THYN1: variants seen among roughly 807,000 people sequenced by gnomAD.
The protein encoded by THYN1 is thymocyte nuclear protein 1.
A neutral mutation model predicts 30.6 loss-of-function variants in THYN1; 32 were observed. That is an observed-to-expected ratio of 1.05 (90% CI 0.79 to 1.40). The LOEUF (loss-of-function observed/expected upper bound fraction) is 1.40. THYN1 is among the 40% of genes most tolerant of loss of function. The pLI is 0.00. For missense variants in THYN1, 259 were observed against 272.6 expected, an observed-to-expected ratio of 0.95 and a Z score of 0.35; for synonymous variants, 107 against 90.8, an observed-to-expected ratio of 1.18 and a Z score of -1.01.
At chr11:134,250,095 G>C (rs1938980114) in intron 3 of THYN1, among the ~76,000 whole-genome samples, 175 bp from the exon 4 acceptor site, 1 of 152,178 alleles carries the variant, frequency 6.6e-6, no homozygotes. Context: ...ACATTGGCCA[G>C]AACACAGGCC....
intron 1 of THYN1, chr11:134,251,891 T>C (rs1477532266): frequency 1.3e-5 from 2 of 152,372 alleles, no homozygotes; most frequent in Non-Finnish European, 2.9e-5. Flanking sequence ...ACAATCAGAA[T>C]GTGCCTGGAA....
chr11:134,250,035 T>C (rs896338233), intron 3 of THYN1, 115 bp from the exon 4 acceptor site: 1 of 1,116,892 alleles, frequency 9.0e-7, no homozygotes, highest in Non-Finnish European at 1.3e-6. Flanking sequence ...AACTCCTCAA[T>C]TCATTAGAAA....
rs771492807 is a variant in THYN1 at position 134,248,531 on chromosome 11, C to A, written c.632-47G>T. ...AGGAAGGATTAGTTTTTAATGTCCCCTCTTGAACAGGAAAGTTGTGCCAGG... is the reference window on the plus strand; with the variant it reads ...AGGAAGGATTAGTTTTTAATGTCCCATCTTGAACAGGAAAGTTGTGCCAGG... On this transcript the variant is annotated intron_variant, in intron 6 of 6. Transcript: ENST00000341541. The A allele has an allele frequency of 1.9e-6, 3 of 1,607,848 alleles. No homozygotes were observed. In the South Asian group the frequency reaches 3.3e-5, roughly 18 times the overall value.
In THYN1 at chr11:134,248,963, T is replaced by C. The variant is rs193129683; in HGVS notation, c.481-4A>G. On this transcript the variant is annotated splice_polypyrimidine_tract_variant and splice_region_variant and intron_variant, in intron 5 of 6. Transcript: ENST00000341541. ...TCCGAACAAACTGTACATCCACCTA[T>C]GTGACAACAGTGTACATGACAGAAA... 2.5e-5 allele frequency: 40 copies of C among 1,614,216 alleles called. No homozygotes were observed. In the East Asian group the frequency reaches 8.5e-4, roughly 34 times the overall value.
chr11:134,252,972 A>C lies in THYN1; in HGVS notation c.-90T>G. The C allele has an allele frequency of 6.0e-6, 9 of 1,491,048 alleles. No homozygotes were observed. Among genetic ancestry groups the C allele is most frequent in the Non-Finnish European group, 8.0e-6 (9 of 1,123,508 alleles). The allele number at this position is 1,491,048 out of a possible 1,614,324, so 92.4% of individuals were successfully genotyped here. ...CTAATGTCCTCCAAAACCCGCGCAG[A>C]GCGAGATGGAGGCAACGAGAGGCAG... On this transcript the variant is annotated 5_prime_UTR_variant, in exon 1 of 7. Coordinates refer to ENST00000341541, the MANE Select transcript of THYN1 (RefSeq NM_014174.3).
In THYN1 at chr11:134,248,905, T is replaced by C. The variant is rs765074945; in HGVS notation, c.535A>G (p.Lys179Glu). The C allele has an allele frequency of 5.6e-6, 9 of 1,614,098 alleles. No homozygotes were observed. In the East Asian group the frequency reaches 2.0e-4, roughly 36 times the overall value. ...GCTTTGTGAGCTTGATGATAGGATT[T>C]GAGCTCAGCCAGGGGAATGAAACGT... is the stretch of plus-strand genomic sequence containing the variant. ...MKRFIPLAELKSYHQAHKATG... is the reference protein window; with the variant it reads ...MKRFIPLAELESYHQAHKATG... Residue 179 changes from lysine (K) to glutamate (E), a missense_variant, in exon 6 of 7, where the codon AAA (lysine) becomes GAA (glutamate). By Grantham distance (56) the Lys-to-Glu change is moderately conservative. Coordinates refer to ENST00000341541, the MANE Select transcript of THYN1 (RefSeq NM_014174.3).
intron 2 of THYN1, 123 bp downstream of exon 2, chr11:134,251,007 C>T (rs1168131968): frequency 8.6e-7 from 1 of 1,157,018 alleles, no homozygotes; most frequent in Admixed American, 2.8e-5. Context: ...CGATTTTATT[C>T]ATTTTTACCT....
chr11:134,249,392 G>A, intron 4 of THYN1, 130 bp from the exon 5 acceptor site: 3 of 809,276 alleles, frequency 3.7e-6, no homozygotes, highest in Admixed American at 4.3e-5. Flanking sequence ...ACAGCCAATG[G>A]GGGCTCAGAT....
chr11:134,249,893 G>C lies in THYN1; in HGVS notation c.319C>G (p.Leu107Val). 2 of 1,614,078 alleles carry C rather than the reference G, an allele frequency of 1.2e-6. No individual in the cohort carries two copies. Among genetic ancestry groups the C allele is most frequent in the Non-Finnish European group, 1.7e-6 (2 of 1,180,000 alleles). The change falls in exon 4 of 7, where the codon CTG (leucine) becomes GTG (valine). Residue 107 changes from leucine to valine, a missense_variant. Leu to Val is a conservative substitution (Grantham distance 32). Coordinates refer to ENST00000341541, the MANE Select transcript of THYN1 (RefSeq NM_014174.3). ...TGGTAGAAGAAGGCTTCTTCTCCCA[G>C]CTTCATGGCTCTAAGGAAGTTCCGA... ...QARNFLRAMK[L>V]GEEAFFYHSN...
chr11:134,253,302 A>G lies in THYN1; in HGVS notation c.-420T>C, dbSNP rs903900144. ...AAGTAATTTGCTGGCTACAGACCCA[A>G]CACTCTGCAGACTCGACTGCGGTCC... On this transcript the variant is annotated 5_prime_UTR_variant, in exon 1 of 7. Coordinates refer to ENST00000341541, the MANE Select transcript of THYN1 (RefSeq NM_014174.3). 1.9e-5 allele frequency: 27 copies of G among 1,387,740 alleles called. No individual in the cohort carries two copies. The East Asian group carries it at 3.1e-4, about 16-fold the overall frequency. 86.0% of individuals were successfully genotyped at this position (1,387,740 alleles called of 1,614,324 possible).
chr11:134,248,391 G>A lies in THYN1; in HGVS notation c.*47C>T. ...CACACCTTTTGTCTGAAAAAAGCTT[G>A]ACTTCTTTGCAGCAATGTCTCGCCC... is the stretch of plus-strand genomic sequence containing the variant. On this transcript the variant is annotated 3_prime_UTR_variant, in exon 7 of 7. Transcript: ENST00000341541. 6.2e-7 allele frequency: 1 copy of A among 1,612,340 alleles called. No homozygotes were observed. Among genetic ancestry groups the A allele is most frequent in the Non-Finnish European group, 8.5e-7 (1 of 1,178,454 alleles).
intron 4 of THYN1, among the ~76,000 whole-genome samples, 172 bp downstream of exon 4, chr11:134,249,656 G>C (rs1226445619): frequency 6.6e-6 from 1 of 150,706 alleles, no homozygotes; most frequent in Non-Finnish European, 1.5e-5. Flanking sequence ...GGCCTGCTTT[G>C]AGTTATCAGA....
intron 1 of THYN1, 117 bp downstream of exon 1, chr11:134,252,723 G>T: frequency 8.7e-7 from 1 of 1,143,102 alleles, no homozygotes; most frequent in Non-Finnish European, 1.3e-6. Context: ...AAGGATAATG[G>T]AGTAAAAATA....
chr11:134,248,755 A>G, intron 6 of THYN1, 54 bp downstream of exon 6: 1 of 1,602,802 alleles, frequency 6.2e-7, no homozygotes, highest in Non-Finnish European at 8.5e-7. Flanking sequence ...AGTAAGTGGG[A>G]ATTCATGAGG....
chr11:134,253,295 A>G lies in THYN1; in HGVS notation c.-413T>C. The G allele has an allele frequency of 7.3e-7, 1 of 1,373,834 alleles. No homozygotes were observed. The highest frequency in any genetic ancestry group is 1.6e-5 in the South Asian group (1 of 62,396). 85.1% of individuals were successfully genotyped at this position (1,373,834 alleles called of 1,614,324 possible). A position where few individuals can be genotyped will look rare whatever the true frequency, so the allele number is the denominator to read the frequency against. Reference sequence around the variant, plus strand: ...GATGATGAAGTAATTTGCTGGCTACAGACCCAACACTCTGCAGACTCGACT... The same window carrying G: ...GATGATGAAGTAATTTGCTGGCTACGGACCCAACACTCTGCAGACTCGACT... On this transcript the variant is annotated 5_prime_UTR_variant, in exon 1 of 7. Transcript: ENST00000341541.
intron 2 of THYN1, among the ~76,000 whole-genome samples, chr11:134,250,581 ATAAAG>A (rs1414049601): frequency 2.6e-5 from 4 of 152,164 alleles, no homozygotes; most frequent in East Asian, 1.9e-4. Flanking sequence ...AATCTAGGTG[ATAAAG>A]TAATCTGCTA....
chr11:134,250,990 A>G, intron 2 of THYN1, 140 bp downstream of exon 2: 2 of 1,043,684 alleles, frequency 1.9e-6, no homozygotes, highest in Non-Finnish European at 2.7e-6. Context: ...ATGATAATAA[A>G]CCCTGCCGAT....
chr11:134,252,358 TC>T (rs2136064560), intron 1 of THYN1, among the ~76,000 whole-genome samples: 1 of 152,272 alleles, frequency 6.6e-6, no homozygotes, highest in South Asian at 2.1e-4. Flanking sequence ...ATGTTCCTCC[TC>T]CTCCATCCAC....
At position 134,253,269 on chromosome 11, in the gene THYN1, A is replaced by C; in HGVS notation, c.-387T>G. On this transcript the variant is annotated 5_prime_UTR_variant, in exon 1 of 7. Transcript: ENST00000341541. Reference sequence around the variant, plus strand: ...TTAGGATCAACTGAATGGATAATCTAGATGATGAAGTAATTTGCTGGCTAC... The same window carrying C: ...TTAGGATCAACTGAATGGATAATCTCGATGATGAAGTAATTTGCTGGCTAC... 7.4e-7 allele frequency: 1 copy of C among 1,343,238 alleles called. No individual in the cohort carries two copies. Among genetic ancestry groups the C allele is most frequent in the East Asian group, 3.2e-5 (1 of 31,358 alleles). 83.2% of individuals were successfully genotyped at this position (1,343,238 alleles called of 1,614,324 possible).
Sources: allele counts gnomAD v4.1 joint callset (sites outside exome capture counted in the v4.1 genomes callset), GRCh38; gene constraint gnomAD v4.1.1; transcripts MANE v1.5; gene names NCBI Gene and HGNC (gene_info 2026-07-23, HGNC 2026-07-21).